CAMSAP2: variants seen among roughly 807,000 people sequenced by gnomAD.
CAMSAP2 encodes the protein calmodulin-regulated spectrin-associated protein 2.
In CAMSAP2, 26 loss-of-function variants were observed where a neutral mutation model predicts 146.1. That is an observed-to-expected ratio of 0.18 (90% confidence interval 0.13 to 0.25). The LOEUF (loss-of-function observed/expected upper bound fraction) is 0.25. CAMSAP2 is among the 10% of genes least tolerant of loss of function. The probability of loss-of-function intolerance (pLI) is 1.00; values close to 1 mark genes in which losing one functional copy is unlikely to be tolerated. For missense variants in CAMSAP2, 1,381 were observed against 1,759.3 expected (o/e 0.78, Z 3.85); for synonymous variants, 499 against 596.6 (o/e 0.84, Z 2.38).
At chr1:200,753,624 A>G (rs1664570435) in intron 1 of CAMSAP2, among the ~76,000 whole-genome samples, 1 of 152,240 alleles carries the variant, frequency 6.6e-6, no homozygotes, top group South Asian at 2.1e-4. Context: ...CCTGCCCTCA[A>G]ACAAGAGCTG....
chr1:200,780,226 C>G (rs539499710), intron 2 of CAMSAP2, among the ~76,000 whole-genome samples: 8 of 152,024 alleles, frequency 5.3e-5, no homozygotes, highest in Admixed American at 1.3e-4. Flanking sequence ...TTAAAGGATC[C>G]TTATGTGACA....
intron 6 of CAMSAP2, among the ~76,000 whole-genome samples, chr1:200,835,189 A>G (rs370811906): frequency 6.6e-6 from 1 of 152,194 alleles, no homozygotes; most frequent in South Asian, 2.1e-4. Context: ...CAAGTGTCAC[A>G]TGTGCATCAT....
In CAMSAP2 at chr1:200,739,494, C is replaced by G. The variant is rs1048716844; in HGVS notation, c.-334C>G. ...CCAAGCCCGTGTGACTAAACCGAGA[C>G]AAAGGGGAGGCGGCCTCGCTCACAC... On this transcript the variant is annotated 5_prime_UTR_variant, in exon 1 of 17. Transcript: ENST00000358823. This position sits in a 1 kb window ranked among gnomAD's most constrained non-coding sequence, Gnocchi z 4.8. The G allele has an allele frequency of 1.3e-5, 2 of 157,664 alleles. No homozygotes were observed. The highest frequency in any genetic ancestry group is 2.8e-5 in the Non-Finnish European group (2 of 71,836). 9.8% of individuals were successfully genotyped at this position (157,664 alleles called of 1,614,324 possible). A position where few individuals can be genotyped will look rare whatever the true frequency, so the allele number is the denominator to read the frequency against.
At chr1:200,787,216 A>G (rs1036562784) in intron 2 of CAMSAP2, among the ~76,000 whole-genome samples, 1 of 152,202 alleles carries the variant, frequency 6.6e-6, no homozygotes. Context: ...TTCTAAGTAT[A>G]TATCTGCTAT....
At chr1:200,812,217 CCTT>C (rs1277670040) in intron 3 of CAMSAP2, among the ~76,000 whole-genome samples, 1 of 152,178 alleles carries the variant, frequency 6.6e-6, no homozygotes, top group African/African-American at 2.4e-5. Flanking sequence ...CCTACGATGA[CCTT>C]CTTCTTTTCA....
chr1:200,856,207 G>A, intron 15 of CAMSAP2, 82 bp downstream of exon 15: 1 of 971,890 alleles, frequency 1.0e-6, no homozygotes, highest in South Asian at 1.5e-5. Flanking sequence ...AATTTTATTG[G>A]CTCACCTTTG....
intron 2 of CAMSAP2, among the ~76,000 whole-genome samples, chr1:200,770,563 G>A (rs1665088134): frequency 6.6e-6 from 1 of 151,978 alleles, no homozygotes; most frequent in East Asian, 1.9e-4. Context: ...ACAGGTGCCC[G>A]CCACCACACC....
At chr1:200,821,526 A>G (rs1279095196) in intron 4 of CAMSAP2, among the ~76,000 whole-genome samples, 1 of 151,692 alleles carries the variant, frequency 6.6e-6, no homozygotes, top group Non-Finnish European at 1.5e-5. Flanking sequence ...TTTTTTTTAA[A>G]ATGTTTTTTA....
At chr1:200,800,526 T>G (rs1434290806) in intron 2 of CAMSAP2, among the ~76,000 whole-genome samples, 1 of 152,204 alleles carries the variant, frequency 6.6e-6, no homozygotes, top group Non-Finnish European at 1.5e-5. Flanking sequence ...TGGTAAATCT[T>G]CCTCCATCCC....
Position 200,848,111 on chromosome 1 carries a change from A to C in CAMSAP2, c.1342A>C (p.Ile448Leu), listed in dbSNP as rs553031275. The change falls in exon 11 of 17, where the codon ATC becomes CTC. Residue 448 changes from isoleucine (I) to leucine (L), a missense_variant. Ile to Leu is a conservative substitution (Grantham distance 5, BLOSUM62 2). Around this residue, in one of 4 missense-constraint regions of CAMSAP2, gnomAD observed 447 missense variants for 462.2 expected, o/e 0.97. Transcript: ENST00000358823. ...SVQRSTPNRG[I>L]TRSISNEGLT... ...ACAGAGATCCACTCCAAACCGAGGA[A>C]TCACTCGTTCTATTAGTAATGAAGG... 2.9e-4 allele frequency: 468 copies of C among 1,610,494 alleles called. 8 individuals carry two copies. The South Asian group carries it at 4.8e-3, about 16-fold the overall frequency.
At chr1:200,838,595 AC>A (rs57273058) in intron 6 of CAMSAP2, among the ~76,000 whole-genome samples, 426 of 152,242 alleles carry the variant, frequency 2.8e-3, no homozygotes, top group African/African-American at 9.4e-3. Context: ...GTCTTTTTAG[AC>A]TTTATCATCT....
In CAMSAP2 at chr1:200,853,540, C is replaced by T. The variant is rs1667678630; in HGVS notation, c.3823+45C>T. ...AGAGTCTGTTCATAAAAAACACCAG[C>T]TTGATTGGTTTGTCATACTAACTTG... On this transcript the variant is annotated intron_variant, in intron 13 of 16. Coordinates refer to ENST00000358823, the MANE Select transcript of CAMSAP2 (RefSeq NM_203459.4). The surrounding 1 kb of genome is among the most constrained non-coding windows in gnomAD (Gnocchi z 5.1). 3 of 1,437,596 alleles carry T rather than the reference C, an allele frequency of 2.1e-6. No individual in the cohort carries two copies. Among genetic ancestry groups the T allele is most frequent in the Admixed American group, 1.8e-5 (1 of 54,944 alleles). The allele number at this position is 1,437,596 out of a possible 1,614,324, so 89.1% of individuals were successfully genotyped here. A position where few individuals can be genotyped will look rare whatever the true frequency, so the allele number is the denominator to read the frequency against.
At chr1:200,852,419 A>C in intron 11 of CAMSAP2, 122 bp from the exon 12 acceptor site, 1 of 1,006,628 alleles carries the variant, frequency 9.9e-7, no homozygotes. Context: ...CCACATTCAG[A>C]AGGGTTGTAA....
At chr1:200,782,566 C>A (rs1427523914) in intron 2 of CAMSAP2, among the ~76,000 whole-genome samples, 1 of 152,054 alleles carries the variant, frequency 6.6e-6, no homozygotes, top group Non-Finnish European at 1.5e-5. Context: ...ACTGCACGAA[C>A]TCTTTTTTTA....
At chr1:200,756,869 A>G (rs1388159927) in intron 1 of CAMSAP2, among the ~76,000 whole-genome samples, 4 of 152,170 alleles carry the variant, frequency 2.6e-5, no homozygotes, top group East Asian at 1.9e-4. Context: ...GATTCATATC[A>G]TGGTAAATGA....
chr1:200,749,011 TA>T (rs1250169223), intron 1 of CAMSAP2, among the ~76,000 whole-genome samples: 1 of 152,150 alleles, frequency 6.6e-6, no homozygotes, highest in Non-Finnish European at 1.5e-5. Context: ...CAGAACAACT[TA>T]AAATGCCCAA....
At position 200,848,447 on chromosome 1, in the gene CAMSAP2, C is replaced by G; in HGVS notation, c.1678C>G (p.Gln560Glu). 6.2e-7 allele frequency: 1 copy of G among 1,613,460 alleles called. No individual in the cohort carries two copies. Among genetic ancestry groups the G allele is most frequent in the African/African-American group, 1.3e-5 (1 of 75,002 alleles). ...HDTEKSPHTP[Q>E]PDQIANGFFL... ...TACTGAAAAATCTCCTCATACACCT[C>G]AGCCAGACCAAATTGCTAATGGCTT... Residue 560 changes from glutamine (Q) to glutamate (E), a missense_variant, in exon 11 of 17, where the codon CAG (glutamine) becomes GAG (glutamate). By Grantham distance (29) the Gln-to-Glu change is conservative. Around this residue, in one of 4 missense-constraint regions of CAMSAP2, gnomAD observed 447 missense variants for 462.2 expected, o/e 0.97. Coordinates refer to ENST00000358823, the MANE Select transcript of CAMSAP2 (RefSeq NM_203459.4).
At chr1:200,824,641 A>G (rs998517868) in intron 4 of CAMSAP2, among the ~76,000 whole-genome samples, 36 of 152,160 alleles carry the variant, frequency 2.4e-4, no homozygotes, top group African/African-American at 6.5e-4. Context: ...CCTACAATAC[A>G]TATACAGTAG....
At position 200,850,127 on chromosome 1, in the gene CAMSAP2, T is replaced by C. The variant is rs762403010; in HGVS notation, c.3358T>C (p.Leu1120=). The part of the protein sequence containing the change: ...VNLIEVSLSD[L]KPPEKADVPV... The stretch of plus-strand genomic sequence containing the variant: ...TCTGATTGAAGTTTCCCTCTCAGAT[T>C]TGAAACCCCCTGAAAAGGCTGATGT... The change falls in exon 11 of 17, where the codon TTG becomes CTG. Residue 1120 remains leucine, a synonymous_variant. Coordinates refer to ENST00000358823, the MANE Select transcript of CAMSAP2 (RefSeq NM_203459.4). 1 of 1,614,064 alleles carries C rather than the reference T, an allele frequency of 6.2e-7. No individual in the cohort carries two copies. The highest frequency in any genetic ancestry group is 1.7e-5 in the Admixed American group (1 of 59,980).
Sources: gnomAD v4.1 joint callset for allele counts (sites outside exome capture counted in the v4.1 genomes callset) on GRCh38, gnomAD v4.1.1 for gene constraint, gnomAD v4.1.1 regional missense constraint, Gnocchi (gnomAD v3.1) non-coding constraint, MANE v1.5 for transcripts, NCBI Gene and HGNC (gene_info 2026-07-23, HGNC 2026-07-21) for gene names.